Variants in GPC6 observed in about 807,000 individuals in gnomAD.
GPC6 encodes the protein glypican-6.
A neutral mutation model predicts 55.2 loss-of-function variants in GPC6; 14 were observed. The ratio of observed to expected loss-of-function variants is 0.25; its 90% CI spans 0.17 to 0.40. The LOEUF is 0.40. Among genes scored for constraint, GPC6 ranks in the 10% least tolerant of loss-of-function variants. The pLI, the probability that GPC6 is intolerant of heterozygous loss-of-function variation, is 1.00. For synonymous variants in GPC6, 278 were observed against 259.6 expected, an observed-to-expected ratio of 1.07 and a Z score of -0.68; for missense variants, 641 against 708.5, an observed-to-expected ratio of 0.90 and a Z score of 1.08.
At chr13:93,771,827 T>G (rs1005523787) in intron 2 of GPC6, among the ~76,000 whole-genome samples, 2 of 152,038 alleles carry the variant, frequency 1.3e-5, no homozygotes, top group African/African-American at 4.8e-5. Flanking sequence ...ATAAGGAACA[T>G]GAAAATGTTT....
At chr13:93,717,768 C>T (rs545503894) in intron 2 of GPC6, among the ~76,000 whole-genome samples, 2 of 151,632 alleles carry the variant, frequency 1.3e-5, no homozygotes, top group African/African-American at 4.8e-5. Context: ...CCTTGCCCCC[C>T]ACCCCTGACA....
chr13:93,543,633 G>A (rs1333343359), intron 1 of GPC6, among the ~76,000 whole-genome samples: 6 of 152,036 alleles, frequency 3.9e-5, no homozygotes, highest in East Asian at 1.9e-4. Context: ...GGTAGAATTC[G>A]GCTGTGAATC....
At chr13:94,302,294 T>C (rs1875692018) in intron 5 of GPC6, among the ~76,000 whole-genome samples, 1 of 152,172 alleles carries the variant, frequency 6.6e-6, no homozygotes, top group Non-Finnish European at 1.5e-5. Flanking sequence ...TGGTGTTTTA[T>C]AGATGATGGC....
chr13:93,381,162 T>A (rs1003614138), intron 1 of GPC6, among the ~76,000 whole-genome samples: 1 of 152,170 alleles, frequency 6.6e-6, no homozygotes, highest in Non-Finnish European at 1.5e-5. Flanking sequence ...AATCATATCA[T>A]ATTAAAAATG....
At chr13:93,325,681 T>C (rs751384122) in intron 1 of GPC6, among the ~76,000 whole-genome samples, 40 of 152,104 alleles carry the variant, frequency 2.6e-4, no homozygotes, top group African/African-American at 8.2e-4. Flanking sequence ...TTGCAATGTA[T>C]GTATGTAACA....
chr13:93,746,738 A>G (rs982602351), intron 2 of GPC6, among the ~76,000 whole-genome samples: 1 of 152,186 alleles, frequency 6.6e-6, no homozygotes, highest in African/African-American at 2.4e-5. Context: ...ATGGAACACA[A>G]CCAAACTCAT....
chr13:93,314,057 A>G (rs1436893278), intron 1 of GPC6, among the ~76,000 whole-genome samples: 1 of 152,164 alleles, frequency 6.6e-6, no homozygotes, highest in Non-Finnish European at 1.5e-5. Flanking sequence ...ATGCAGTTAC[A>G]TGAAGCAAGT....
intron 1 of GPC6, among the ~76,000 whole-genome samples, chr13:93,481,898 T>A (rs1879536036): frequency 6.6e-6 from 1 of 152,162 alleles, no homozygotes; most frequent in Admixed American, 6.5e-5. Flanking sequence ...CTATTTGCGT[T>A]CCCTTGCATT....
chr13:94,035,920 C>G (rs564684412), intron 4 of GPC6, among the ~76,000 whole-genome samples: 1 of 151,896 alleles, frequency 6.6e-6, no homozygotes, highest in East Asian at 1.9e-4. Context: ...TTTTCTTTTT[C>G]CTCAGGGTTG....
chr13:94,240,564 A>T (rs751486469), intron 4 of GPC6, among the ~76,000 whole-genome samples: 8 of 152,170 alleles, frequency 5.3e-5, no homozygotes, highest in Non-Finnish European at 1.0e-4. Context: ...AACAACAGCA[A>T]CAATGAAAGC....
intron 6 of GPC6, among the ~76,000 whole-genome samples, chr13:94,308,545 G>A (rs1045471467): frequency 4.6e-4 from 70 of 152,184 alleles, no homozygotes; most frequent in Non-Finnish European, 2.9e-5. Flanking sequence ...CCAAGGACCA[G>A]ACTCTGTGCC....
intron 2 of GPC6, among the ~76,000 whole-genome samples, chr13:93,727,350 CT>C (rs1427616026): frequency 6.6e-6 from 1 of 152,108 alleles, no homozygotes; most frequent in African/African-American, 2.4e-5. Flanking sequence ...TGTAATTCTT[CT>C]ATAGATTTGA....
intron 4 of GPC6, among the ~76,000 whole-genome samples, chr13:94,272,331 G>A (rs1892056337): frequency 6.6e-6 from 1 of 151,968 alleles, no homozygotes; most frequent in Non-Finnish European, 1.5e-5. Context: ...TAACTTTTAG[G>A]GCAAAGGAGG....
intron 4 of GPC6, among the ~76,000 whole-genome samples, chr13:94,135,734 A>G (rs1171869288): frequency 1.3e-5 from 2 of 152,270 alleles, no homozygotes; most frequent in Non-Finnish European, 2.9e-5. Flanking sequence ...AGCAAGAATC[A>G]ATAAATTAGG....
intron 2 of GPC6, among the ~76,000 whole-genome samples, chr13:93,693,461 C>G (rs376164460): frequency 6.5e-5 from 9 of 139,428 alleles, no homozygotes; most frequent in Admixed American, 1.5e-4. Context: ...GTATGTATAT[C>G]TGTGTGTGTG....
intron 1 of GPC6, among the ~76,000 whole-genome samples, chr13:93,443,018 A>T (rs561828417): frequency 7.9e-5 from 12 of 152,128 alleles, no homozygotes; most frequent in Non-Finnish European, 1.6e-4. Flanking sequence ...AACAAGTAGA[A>T]GCCTTTATAT....
Position 93,979,834 on chromosome 13 carries a change from C to A in GPC6, c.712-47895C>A, listed in dbSNP as rs544929956. Among the ~76,000 whole-genome samples, 3 of 152,146 alleles carry A rather than the reference C, an allele frequency of 2.0e-5. No individual in the cohort carries two copies. The South Asian group carries it at 6.2e-4, about 32-fold the overall frequency. On this transcript the variant is annotated intron_variant, in intron 3 of 8. Transcript: ENST00000377047. ...TAGAAATCAGAGGCCAAAATTATAG[C>A]CTATTCACCATAAATCAGCCAAGTT...
At chr13:94,354,934 C>T (rs1382309932) in intron 6 of GPC6, among the ~76,000 whole-genome samples, 1 of 152,106 alleles carries the variant, frequency 6.6e-6, no homozygotes, top group Non-Finnish European at 1.5e-5. Flanking sequence ...CAGGAGATTC[C>T]ATGTTCAAAT....
chr13:94,341,462 T>G (rs1394500964), intron 6 of GPC6, among the ~76,000 whole-genome samples: 1 of 152,006 alleles, frequency 6.6e-6, no homozygotes, highest in African/African-American at 2.4e-5. Context: ...GGCGTGCACC[T>G]GTAATCCCAG....
Sources: allele counts gnomAD v4.1 joint callset (sites outside exome capture counted in the v4.1 genomes callset), GRCh38; gene constraint gnomAD v4.1.1; transcripts MANE v1.5; gene names NCBI Gene and HGNC (gene_info 2026-07-23, HGNC 2026-07-21).